Variants in TMPRSS12 observed in about 807,000 individuals in gnomAD.
The protein encoded by TMPRSS12 is transmembrane serine protease 12, also known as transmembrane protease serine 12.
Under a neutral mutation model 26.0 loss-of-function variants are expected in TMPRSS12, and 25 were observed. The observed-to-expected ratio is 0.96, with a 90% CI of 0.70 to 1.34. The LOEUF is 1.34. TMPRSS12 is among the 40% of genes most tolerant of loss of function. TMPRSS12 has a pLI of 0.00. For synonymous variants in TMPRSS12, 150 were observed against 161.7 expected, an observed-to-expected ratio of 0.93 and a Z score of 0.55; for missense variants, 441 against 440.1, an observed-to-expected ratio of 1.00 and a Z score of -0.02.
chr12:50,872,930 GTATATATGTACATATATATGACGTA>G (rs1217585533), intron 3 of TMPRSS12, among the ~76,000 whole-genome samples: 2 of 64,116 alleles, frequency 3.1e-5, no homozygotes, highest in Non-Finnish European at 5.9e-5. Context: ...CATATATGAT[GTATATATGTACATATATATGACGTA>G]TATATATGTA....
At chr12:50,844,153 C>T (rs1477744725) in intron 2 of TMPRSS12, 116 bp downstream of exon 2, 2 of 769,766 alleles carry the variant, frequency 2.6e-6, no homozygotes, top group Non-Finnish European at 4.0e-6. Flanking sequence ...GCCATAATGC[C>T]TTATATATAG....
chr12:50,852,449 C>T (rs1194717704), intron 2 of TMPRSS12, among the ~76,000 whole-genome samples: 2 of 152,164 alleles, frequency 1.3e-5, no homozygotes, highest in Non-Finnish European at 2.9e-5. Flanking sequence ...CTTTCTCTGT[C>T]GCCCAGGCTG....
intron 3 of TMPRSS12, among the ~76,000 whole-genome samples, chr12:50,874,154 T>C (rs1938092106): frequency 6.6e-6 from 1 of 152,082 alleles, no homozygotes; most frequent in Non-Finnish European, 1.5e-5. Flanking sequence ...TCAAATATTT[T>C]AGGAAGAGAT....
In TMPRSS12 at chr12:50,843,825, A is replaced by T. The variant is rs1346050558; in HGVS notation, c.188-17A>T. On this transcript the variant is annotated splice_polypyrimidine_tract_variant and intron_variant, in intron 1 of 4. Transcript: ENST00000398458. ...TATAGATGCTCAGTCCAAATAATATATCATTTTTATTTTTAGATTGTGGAA... is the reference window on the plus strand; with the variant it reads ...TATAGATGCTCAGTCCAAATAATATTTCATTTTTATTTTTAGATTGTGGAA... 1 of 1,548,530 alleles carries T rather than the reference A, an allele frequency of 6.5e-7. No homozygotes were observed. Among genetic ancestry groups the T allele is most frequent in the Admixed American group, 2.0e-5 (1 of 50,840 alleles).
intron 2 of TMPRSS12, among the ~76,000 whole-genome samples, chr12:50,856,852 AT>A (rs567058059): frequency 0.1 from 1,478 of 14,218 alleles, 23 homozygotes; most frequent in African/African-American, 0.13. Flanking sequence ...CATCCGGCTA[AT>A]TTTTGTATTT....
intron 3 of TMPRSS12, among the ~76,000 whole-genome samples, chr12:50,882,310 AAAAG>A (rs1266540835): frequency 2.7e-5 from 4 of 146,852 alleles, no homozygotes; most frequent in African/African-American, 5.0e-5. Context: ...AAAAAAAAAA[AAAAG>A]AATATTACAG....
intron 4 of TMPRSS12, 188 bp downstream of exon 4, chr12:50,885,576 A>G (rs1028590036): frequency 2.9e-6 from 2 of 699,478 alleles, no homozygotes; most frequent in African/African-American, 1.8e-5. Context: ...TTCTGCTGTC[A>G]TCAGTAGGCA....
chr12:50,872,941 CAT>C (rs1290283851), intron 3 of TMPRSS12, among the ~76,000 whole-genome samples: 5 of 143,498 alleles, frequency 3.5e-5, no homozygotes, highest in African/African-American at 1.3e-4. Context: ...TATATATGTA[CAT>C]ATATATGACG....
At chr12:50,849,377 T>C (rs1017708301) in intron 2 of TMPRSS12, among the ~76,000 whole-genome samples, 2 of 152,244 alleles carry the variant, frequency 1.3e-5, no homozygotes, top group African/African-American at 4.8e-5. Context: ...ACTTATTTTC[T>C]TTTTAAAGTT....
At chr12:50,854,464 C>T (rs1391157245) in intron 2 of TMPRSS12, among the ~76,000 whole-genome samples, 1 of 151,984 alleles carries the variant, frequency 6.6e-6, no homozygotes, top group Non-Finnish European at 1.5e-5. Context: ...ACCAGAGCAA[C>T]CAGGCAAGAG....
At chr12:50,850,602 C>T (rs1285603725) in intron 2 of TMPRSS12, among the ~76,000 whole-genome samples, 1 of 152,104 alleles carries the variant, frequency 6.6e-6, no homozygotes, top group Non-Finnish European at 1.5e-5. Flanking sequence ...AGCACTACTG[C>T]CACCAGTGCA....
At chr12:50,849,458 G>T (rs1049193669) in intron 2 of TMPRSS12, among the ~76,000 whole-genome samples, 6 of 152,114 alleles carry the variant, frequency 3.9e-5, no homozygotes, top group Non-Finnish European at 8.8e-5. Flanking sequence ...TGACAGTGTA[G>T]ATAGTCATGT....
At position 50,843,094 on chromosome 12, in the gene TMPRSS12, G is replaced by C. The variant is rs1937728292; in HGVS notation, c.130G>C (p.Ala44Pro). Residue 44 changes from alanine to proline, a missense_variant, in exon 1 of 5, where the codon GCT becomes CCT. Transcript: ENST00000398458. ...GGAACCGGCGGCTAGTTCCCAGCAG[G>C]CTGAGGCCGTCCGCAAGAGGCTCCG... is the stretch of plus-strand genomic sequence containing the variant. ...SPEPAASSQQ[A>P]EAVRKRLRRR... 1 of 1,582,038 alleles carries C rather than the reference G, an allele frequency of 6.3e-7. No homozygotes were observed. Among genetic ancestry groups the C allele is most frequent in the Non-Finnish European group, 8.6e-7 (1 of 1,164,306 alleles).
chr12:50,855,835 G>C (rs1435804322), intron 2 of TMPRSS12, among the ~76,000 whole-genome samples: 1 of 152,154 alleles, frequency 6.6e-6, no homozygotes, highest in Non-Finnish European at 1.5e-5. Context: ...ACTGGATAAA[G>C]AAAATGTGGT....
intron 2 of TMPRSS12, among the ~76,000 whole-genome samples, chr12:50,845,357 GA>G (rs1937757822): frequency 6.6e-6 from 1 of 152,010 alleles, no homozygotes; most frequent in Admixed American, 6.6e-5. Flanking sequence ...CTTCTTTGAT[GA>G]GTCTTTGTCA....
Position 50,843,068 on chromosome 12 carries a change from C to T in TMPRSS12, c.104C>T (p.Pro35Leu), listed in dbSNP as rs1281738836. 5.7e-6 allele frequency: 9 copies of T among 1,589,542 alleles called. No individual in the cohort carries two copies. In the South Asian group the frequency reaches 8.0e-5, roughly 14 times the overall value. Reference sequence around the variant, plus strand: ...GGAAGGCACAGGCTCGGCCCCTCGCCGGAACCGGCGGCTAGTTCCCAGCAG... The same window carrying T: ...GGAAGGCACAGGCTCGGCCCCTCGCTGGAACCGGCGGCTAGTTCCCAGCAG... ...PSGRHRLGPS[P>L]EPAASSQQAE... The change falls in exon 1 of 5, where the codon CCG becomes CTG. Residue 35 changes from proline (P) to leucine (L), a missense_variant. By Grantham distance (98) the Pro-to-Leu change is moderately conservative (BLOSUM62 -3). Transcript: ENST00000398458.
intron 2 of TMPRSS12, among the ~76,000 whole-genome samples, chr12:50,852,652 A>G (rs751192098): frequency 1.3e-5 from 2 of 152,184 alleles, no homozygotes; most frequent in Non-Finnish European, 2.9e-5. Context: ...TTCGTGAACC[A>G]TCTTGGCCTT....
At chr12:50,876,252 G>T (rs1160105017) in intron 3 of TMPRSS12, among the ~76,000 whole-genome samples, 1 of 152,090 alleles carries the variant, frequency 6.6e-6, no homozygotes, top group African/African-American at 2.4e-5. Context: ...CAAAAAACAT[G>T]CTGCCAAGGC....
intron 1 of TMPRSS12, among the ~76,000 whole-genome samples, 168 bp downstream of exon 1, chr12:50,843,319 T>C (rs1377866070): frequency 1.3e-5 from 2 of 152,236 alleles, no homozygotes; most frequent in African/African-American, 4.8e-5. Context: ...GTTGTAATAG[T>C]GAAATGACAC....
Sources: allele counts gnomAD v4.1 joint callset (sites outside exome capture counted in the v4.1 genomes callset), GRCh38; gene constraint gnomAD v4.1.1; transcripts MANE v1.5; gene names NCBI Gene and HGNC (gene_info 2026-07-23, HGNC 2026-07-21).